Variants in RSU1 observed in about 807,000 individuals in gnomAD.
RSU1 encodes rsu-1.
A neutral mutation model predicts 31.1 loss-of-function variants in RSU1; 26 were observed. That is an observed-to-expected ratio of 0.84 (90% CI 0.61 to 1.16). The LOEUF is 1.16. Among genes scored for constraint, RSU1 ranks in the 50% most tolerant of loss-of-function variants. The pLI is 0.00. For missense variants in RSU1, 320 were observed against 339.1 expected, an observed-to-expected ratio of 0.94 and a Z score of 0.44; for synonymous variants, 164 against 136.3, an observed-to-expected ratio of 1.20 and a Z score of -1.41.
At chr10:16,640,830 T>C (rs2131501273) in intron 8 of RSU1, among the ~76,000 whole-genome samples, 1 of 152,332 alleles carries the variant, frequency 6.6e-6, no homozygotes, top group Middle Eastern at 3.4e-3. Flanking sequence ...CTTACATCTA[T>C]TTATGAAGCT....
chr10:16,737,546 G>T (rs900788664), intron 7 of RSU1, among the ~76,000 whole-genome samples: 1 of 151,724 alleles, frequency 6.6e-6, no homozygotes, highest in Non-Finnish European at 1.5e-5. Context: ...AAATATTTCA[G>T]ATAAACAAAA....
chr10:16,806,687 T>C (rs1473994064), intron 2 of RSU1, among the ~76,000 whole-genome samples: 1 of 152,218 alleles, frequency 6.6e-6, no homozygotes, highest in Non-Finnish European at 1.5e-5. Context: ...CGTTGTAGAA[T>C]ACAAACATAT....
chr10:16,727,098 G>C (rs1432754300), intron 7 of RSU1: 2 of 456,676 alleles, frequency 4.4e-6, no homozygotes, highest in Non-Finnish European at 8.8e-6. Context: ...CAGGCTGCCA[G>C]TTGGTGGTTT....
At chr10:16,638,031 A>G (rs1266558133) in intron 8 of RSU1, among the ~76,000 whole-genome samples, 1 of 152,162 alleles carries the variant, frequency 6.6e-6, no homozygotes, top group Non-Finnish European at 1.5e-5. Flanking sequence ...AAATCACCTG[A>G]ACATACCTTG....
intron 8 of RSU1, among the ~76,000 whole-genome samples, chr10:16,688,944 G>C (rs1053765526): frequency 2.0e-5 from 3 of 151,896 alleles, no homozygotes; most frequent in East Asian, 3.9e-4. Flanking sequence ...GGAGATCAAG[G>C]CTGCAGTGAG....
intron 8 of RSU1, among the ~76,000 whole-genome samples, chr10:16,623,834 C>G (rs1052143799): frequency 6.6e-6 from 1 of 152,132 alleles, no homozygotes; most frequent in African/African-American, 2.4e-5. Flanking sequence ...TCATAAAACC[C>G]TTCTCCAGTT....
At chr10:16,744,772 A>C (rs1252668156) in intron 7 of RSU1, among the ~76,000 whole-genome samples, 1 of 152,146 alleles carries the variant, frequency 6.6e-6, no homozygotes, top group Non-Finnish European at 1.5e-5. Flanking sequence ...TGTAATTATA[A>C]AATTCTTAGG....
At chr10:16,791,124 T>G (rs1276793132) in intron 2 of RSU1, among the ~76,000 whole-genome samples, 1 of 152,050 alleles carries the variant, frequency 6.6e-6, no homozygotes, top group African/African-American at 2.4e-5. Context: ...CCTCCCAGTT[T>G]CAAGCAATTC....
intron 2 of RSU1, among the ~76,000 whole-genome samples, chr10:16,806,375 G>C (rs1838266805): frequency 6.6e-6 from 1 of 152,210 alleles, no homozygotes. Context: ...CAAAACAGGA[G>C]AAGCTGAGAA....
chr10:16,606,647 C>G (rs1402389204), intron 8 of RSU1, among the ~76,000 whole-genome samples: 35 of 152,150 alleles, frequency 2.3e-4, no homozygotes, highest in Admixed American at 2.3e-3. Flanking sequence ...GTTGTATATA[C>G]TAAGTCATTG....
intron 7 of RSU1, among the ~76,000 whole-genome samples, chr10:16,700,137 G>A (rs182875284): frequency 4.0e-4 from 61 of 152,188 alleles, no homozygotes; most frequent in African/African-American, 1.4e-3. Flanking sequence ...TCAAAATCCT[G>A]AAACATGTGG....
chr10:16,735,025 A>C (rs1350583669), intron 7 of RSU1, among the ~76,000 whole-genome samples: 1 of 152,214 alleles, frequency 6.6e-6, no homozygotes, highest in African/African-American at 2.4e-5. Context: ...TTAAACCCTC[A>C]GAAGAAACCA....
intron 3 of RSU1, among the ~76,000 whole-genome samples, chr10:16,769,503 C>T (rs1439253016): frequency 2.0e-5 from 3 of 152,314 alleles, no homozygotes; most frequent in African/African-American, 4.8e-5. Flanking sequence ...CAGCCCTACC[C>T]GATGGCAGTG....
intron 2 of RSU1, among the ~76,000 whole-genome samples, chr10:16,807,015 C>A (rs1838285273): frequency 6.6e-6 from 1 of 152,154 alleles, no homozygotes; most frequent in African/African-American, 2.4e-5. Context: ...ACGTTGGCCT[C>A]CGGAAGCGCT....
In RSU1 at chr10:16,600,257, G is replaced by T. The variant is rs1833695491; in HGVS notation, c.732-6761C>A. Reference sequence around the variant, plus strand: ...CTGTGAAGCCCAAATGCCAACGTGGGAGTGGGCGCTGCCCTGAGCTGCCAC... The same window carrying T: ...CTGTGAAGCCCAAATGCCAACGTGGTAGTGGGCGCTGCCCTGAGCTGCCAC... On this transcript the variant is annotated intron_variant, in intron 8 of 8. Transcript: ENST00000345264. Among the ~76,000 whole-genome samples the T allele has an allele frequency of 2.6e-5, 4 of 152,246 alleles. No individual in the cohort carries two copies. In the South Asian group the frequency reaches 8.3e-4, roughly 32 times the overall value.
chr10:16,656,081 A>T (rs936718641), intron 8 of RSU1, among the ~76,000 whole-genome samples: 6 of 152,152 alleles, frequency 3.9e-5, no homozygotes, highest in Admixed American at 2.0e-4. Flanking sequence ...TGAAATTTAC[A>T]TGTTGTTAGA....
chr10:16,610,649 G>C (rs1247412021), intron 8 of RSU1, among the ~76,000 whole-genome samples: 2 of 151,978 alleles, frequency 1.3e-5, no homozygotes, highest in Non-Finnish European at 2.9e-5. Context: ...ATAAGCTCAG[G>C]GCTCCCACTG....
At chr10:16,595,999 AT>A (rs111730444) in intron 8 of RSU1, among the ~76,000 whole-genome samples, 10 of 151,886 alleles carry the variant, frequency 6.6e-5, no homozygotes, top group African/African-American at 2.2e-4. Context: ...ATGAAAGCGC[AT>A]TTTTCAACCT....
chr10:16,754,920 C>A lies in RSU1; in HGVS notation c.351G>T (p.Thr117=), dbSNP rs1049632. ...GAGAATTTTCGCTCAAGTTGTTGTA[C>A]GTCAAGTCCAGAACCTCAAGAGCTG... The part of the protein sequence containing the change: ...SLPALEVLDL[T]YNNLSENSLP... The change falls in exon 5 of 9, where the codon ACG becomes ACT. Residue 117 remains threonine, a synonymous_variant. Transcript: ENST00000345264. 440,130 of 1,610,744 alleles carry A rather than the reference C, an allele frequency of 0.27. 68,063 individuals carry two copies. The highest frequency in any genetic ancestry group is 0.68 in the African/African-American group (50,547 of 74,692).
Sources: allele counts gnomAD v4.1 joint callset (sites outside exome capture counted in the v4.1 genomes callset), GRCh38; gene constraint gnomAD v4.1.1; transcripts MANE v1.5; gene names NCBI Gene and HGNC (gene_info 2026-07-23, HGNC 2026-07-21).